The following VEPH1 variants were observed in gnomAD, a reference collection of about 807,000 sequenced individuals.
The protein encoded by VEPH1 is ventricular zone-expressed PH domain-containing protein homolog 1.
Under a neutral mutation model 85.2 loss-of-function variants are expected in VEPH1, and 80 were observed. The observed-to-expected ratio is 0.94, with a 90% confidence interval of 0.78 to 1.13. The LOEUF (loss-of-function observed/expected upper bound fraction) is 1.13, where lower values mean the gene tolerates loss of function less well. Among genes scored for constraint, VEPH1 ranks in the 50% most tolerant of loss-of-function variants. The pLI is 0.00. For missense variants in VEPH1, 955 were observed against 980.5 expected (o/e 0.97, Z 0.35); for synonymous variants, 297 against 348.0 (o/e 0.85, Z 1.63).
At chr3:157,343,630 C>G (rs562822210) in intron 9 of VEPH1, among the ~76,000 whole-genome samples, 1 of 152,258 alleles carries the variant, frequency 6.6e-6, no homozygotes, top group South Asian at 2.1e-4. Flanking sequence ...CCTTCTGAAA[C>G]TATTCCAATC....
chr3:157,417,939 T>A (rs1732044003), intron 5 of VEPH1, among the ~76,000 whole-genome samples: 1 of 152,096 alleles, frequency 6.6e-6, no homozygotes, highest in Non-Finnish European at 1.5e-5. Context: ...CCTTGCCCCA[T>A]CCCTTCTCTT....
chr3:157,307,198 C>CTA lies in VEPH1; in HGVS notation c.2010+6421_2010+6422dup, dbSNP rs146868206. The stretch of plus-strand genomic sequence containing the variant: ...TGTCATTTTTGAGTCTAATTAATGA[C>CTA]TATATATATATATATGTTCTTAAGT... On this transcript the variant is annotated intron_variant, in intron 11 of 13. Coordinates refer to ENST00000362010, the MANE Select transcript of VEPH1 (RefSeq NM_001167912.2). Among the ~76,000 whole-genome samples, 751 of 150,082 alleles carry CTA rather than the reference C, an allele frequency of 5.0e-3. 6 individuals are homozygous for CTA. The highest frequency in any genetic ancestry group is 0.014 in the African/African-American group (575 of 41,126).
chr3:157,387,191 T>A (rs937101957), intron 6 of VEPH1, among the ~76,000 whole-genome samples: 1 of 152,160 alleles, frequency 6.6e-6, no homozygotes, highest in Non-Finnish European at 1.5e-5. Flanking sequence ...TTTTCACTTT[T>A]TATTATTTTG....
At chr3:157,360,479 T>C (rs1468562563) in intron 9 of VEPH1, among the ~76,000 whole-genome samples, 1 of 152,084 alleles carries the variant, frequency 6.6e-6, no homozygotes, top group East Asian at 1.9e-4. Context: ...ATTCAACATT[T>C]TTGGGAAAAA....
intron 9 of VEPH1, among the ~76,000 whole-genome samples, chr3:157,350,155 T>C: frequency 6.6e-6 from 1 of 152,168 alleles, no homozygotes; most frequent in East Asian, 1.9e-4. Context: ...AACATGGTAC[T>C]GTCATAGAAA....
intron 13 of VEPH1, among the ~76,000 whole-genome samples, chr3:157,264,610 T>C (rs1166520188): frequency 6.6e-6 from 1 of 152,234 alleles, no homozygotes; most frequent in African/African-American, 2.4e-5. Context: ...ATACCCTTTC[T>C]CACCTTATTA....
At chr3:157,367,335 G>A (rs1032539172) in intron 7 of VEPH1, among the ~76,000 whole-genome samples, 4 of 152,152 alleles carry the variant, frequency 2.6e-5, no homozygotes, top group Admixed American at 1.3e-4. Context: ...GATTCTAAAT[G>A]TTTACTCCCA....
At chr3:157,442,860 C>T (rs146705881) in intron 4 of VEPH1, 1 of 1,614,020 alleles carries the variant, frequency 6.2e-7, no homozygotes. Flanking sequence ...GGATAGTGTT[C>T]TTAGCAATGA....
intron 7 of VEPH1, among the ~76,000 whole-genome samples, chr3:157,376,209 C>A (rs530485584): frequency 5.9e-5 from 9 of 152,324 alleles, no homozygotes; most frequent in African/African-American, 2.2e-4. Context: ...CCATCCCCAA[C>A]TGGGGCCTGT....
At chr3:157,413,022 T>C (rs767601473) in intron 6 of VEPH1, among the ~76,000 whole-genome samples, 19 of 152,162 alleles carry the variant, frequency 1.2e-4, no homozygotes, top group Non-Finnish European at 2.5e-4. Context: ...AATCAAGGGA[T>C]TGAACTCAAT....
intron 6 of VEPH1, among the ~76,000 whole-genome samples, chr3:157,410,706 T>C (rs952085639): frequency 6.6e-6 from 1 of 152,180 alleles, no homozygotes; most frequent in Non-Finnish European, 1.5e-5. Flanking sequence ...AGAAAGAGCA[T>C]TATTTCTGAG....
intron 4 of VEPH1, chr3:157,443,210 C>T (rs2614): frequency 0.014 from 6,355 of 458,640 alleles, 330 homozygotes; most frequent in African/African-American, 0.11. Context: ...ATGGTGCTTT[C>T]AGTTTAATGC....
At chr3:157,367,749 A>C (rs1577462719) in intron 7 of VEPH1, among the ~76,000 whole-genome samples, 1 of 152,186 alleles carries the variant, frequency 6.6e-6, no homozygotes, top group Non-Finnish European at 1.5e-5. Flanking sequence ...GGGCCCTAGC[A>C]GTTCTCCTAT....
intron 7 of VEPH1, among the ~76,000 whole-genome samples, chr3:157,364,721 T>C (rs1421064504): frequency 6.6e-6 from 1 of 152,236 alleles, no homozygotes; most frequent in Non-Finnish European, 1.5e-5. Context: ...ACAGTGGTGT[T>C]TATGTGAACT....
intron 7 of VEPH1, among the ~76,000 whole-genome samples, chr3:157,372,790 T>G (rs906342874): frequency 6.6e-6 from 1 of 152,146 alleles, no homozygotes; most frequent in Non-Finnish European, 1.5e-5. Context: ...AGAAACGCAA[T>G]GAATAAAACA....
At chr3:157,417,160 A>G (rs1283899351) in intron 5 of VEPH1, among the ~76,000 whole-genome samples, 8 of 152,150 alleles carry the variant, frequency 5.3e-5, no homozygotes, top group Non-Finnish European at 1.0e-4. Flanking sequence ...TCCACACATG[A>G]GAAACAAGTC....
chr3:157,442,677 T>C (rs951755578), intron 4 of VEPH1: 5 of 1,614,192 alleles, frequency 3.1e-6, no homozygotes, highest in Admixed American at 3.3e-5. Flanking sequence ...AGGGCTCACA[T>C]CCTTGTGGGT....
intron 11 of VEPH1, among the ~76,000 whole-genome samples, chr3:157,288,426 C>T (rs950488061): frequency 1.4e-4 from 21 of 152,190 alleles, no homozygotes; most frequent in Non-Finnish European, 2.9e-4. Context: ...CCCAAAGCTC[C>T]TAATTCTCAG....
intron 2 of VEPH1, among the ~76,000 whole-genome samples, chr3:157,494,029 A>G (rs1286955102): frequency 6.6e-6 from 1 of 152,168 alleles, no homozygotes; most frequent in Non-Finnish European, 1.5e-5. Flanking sequence ...CTTTGCGTCA[A>G]CCTAAGTTGA....
Sources: gnomAD v4.1 joint callset for allele counts (sites outside exome capture counted in the v4.1 genomes callset) on GRCh38, gnomAD v4.1.1 for gene constraint, MANE v1.5 for transcripts, NCBI Gene and HGNC (gene_info 2026-07-23, HGNC 2026-07-21) for gene names.